TMEM132D: variants seen among roughly 807,000 people sequenced by gnomAD.
The protein encoded by TMEM132D is transmembrane protein 132D, also known as mature OL transmembrane protein.
A neutral mutation model predicts 62.3 loss-of-function variants in TMEM132D; 21 were observed. The ratio of observed to expected loss-of-function variants is 0.34; its 90% CI spans 0.24 to 0.49. The LOEUF is 0.49. TMEM132D is among the 20% of genes least tolerant of loss of function. TMEM132D has a pLI of 0.99. For synonymous variants in TMEM132D, 621 were observed against 575.6 expected, an observed-to-expected ratio of 1.08 and a Z score of -1.13; for missense variants, 1,346 against 1,402.8, an observed-to-expected ratio of 0.96 and a Z score of 0.65.
At chr12:129,540,012 G>A (rs1343583804) in intron 2 of TMEM132D, among the ~76,000 whole-genome samples, 1 of 152,090 alleles carries the variant, frequency 6.6e-6, no homozygotes, top group African/African-American at 2.4e-5. Flanking sequence ...TGTCTCTCCT[G>A]GAATACATCT....
chr12:129,823,610 C>A (rs963047728), intron 1 of TMEM132D, among the ~76,000 whole-genome samples: 2 of 152,154 alleles, frequency 1.3e-5, no homozygotes, highest in South Asian at 2.1e-4. Context: ...TGCAAGGGCC[C>A]AGGGAAGCAA....
At chr12:129,307,128 C>T (rs979026324) in intron 4 of TMEM132D, among the ~76,000 whole-genome samples, 6 of 150,576 alleles carry the variant, frequency 4.0e-5, no homozygotes, top group Middle Eastern at 6.8e-3. Context: ...CTTAGAGGTA[C>T]TATTCAAATT....
chr12:129,191,840 C>T (rs1419560463), intron 5 of TMEM132D, among the ~76,000 whole-genome samples: 1 of 152,078 alleles, frequency 6.6e-6, no homozygotes, highest in Non-Finnish European at 1.5e-5. Context: ...TCATGAGGGG[C>T]AGGGACTTTT....
At chr12:129,518,437 TCA>T (rs1399867800) in intron 3 of TMEM132D, among the ~76,000 whole-genome samples, 1 of 152,036 alleles carries the variant, frequency 6.6e-6, no homozygotes, top group Non-Finnish European at 1.5e-5. Flanking sequence ...TAAATATCAG[TCA>T]CAATTTCACT....
chr12:129,749,726 A>C (rs1006335197), intron 1 of TMEM132D, among the ~76,000 whole-genome samples: 1 of 152,048 alleles, frequency 6.6e-6, no homozygotes, highest in African/African-American at 2.4e-5. Context: ...CGGCCTCCCA[A>C]AGTGCTGGGA....
intron 2 of TMEM132D, among the ~76,000 whole-genome samples, chr12:129,649,687 TAATAG>T (rs572974804): frequency 2.0e-5 from 3 of 152,128 alleles, no homozygotes; most frequent in Non-Finnish European, 4.4e-5. Context: ...CTGTTCTATA[TAATAG>T]AATAAAAAGG....
intron 2 of TMEM132D, among the ~76,000 whole-genome samples, chr12:129,574,453 C>T (rs1314441140): frequency 6.6e-6 from 1 of 151,914 alleles, no homozygotes; most frequent in Non-Finnish European, 1.5e-5. Flanking sequence ...GCAAAGGCAT[C>T]CTATGCACTA....
chr12:129,818,160 GTA>G (rs577954761), intron 1 of TMEM132D, among the ~76,000 whole-genome samples: 1,522 of 147,444 alleles, frequency 0.01, 18 homozygotes, highest in African/African-American at 0.036. Flanking sequence ...GGTATAAGGT[GTA>G]TGTGTGTGTG....
At chr12:129,586,349 G>A (rs1205689908) in intron 2 of TMEM132D, among the ~76,000 whole-genome samples, 1 of 152,188 alleles carries the variant, frequency 6.6e-6, no homozygotes, top group African/African-American at 2.4e-5. Context: ...AGATGAAACT[G>A]TGACCTATCT....
intron 5 of TMEM132D, chr12:129,111,711 C>G (rs1875710589): frequency 6.6e-6 from 1 of 152,208 alleles, no homozygotes; most frequent in Non-Finnish European, 1.5e-5. Context: ...CCCTCTCAGT[C>G]TCTCAACAAA....
At chr12:129,646,928 T>C (rs765603413) in intron 2 of TMEM132D, among the ~76,000 whole-genome samples, 2 of 151,430 alleles carry the variant, frequency 1.3e-5, no homozygotes, top group Non-Finnish European at 2.9e-5. Context: ...GCCTCCTGAG[T>C]AGTGGGGATT....
chr12:129,387,737 T>A (rs1871153215), intron 3 of TMEM132D, among the ~76,000 whole-genome samples: 1 of 151,902 alleles, frequency 6.6e-6, no homozygotes, highest in Admixed American at 6.6e-5. Context: ...ACACGAATCC[T>A]AATATAAACA....
chr12:129,225,595 CACAG>C (rs1156947399), intron 4 of TMEM132D, among the ~76,000 whole-genome samples: 3 of 152,120 alleles, frequency 2.0e-5, no homozygotes, highest in Non-Finnish European at 4.4e-5. Context: ...TAGTATCTAC[CACAG>C]AGAGTTCTTA....
At chr12:129,675,311 G>C (rs1880600102) in intron 2 of TMEM132D, among the ~76,000 whole-genome samples, 1 of 151,688 alleles carries the variant, frequency 6.6e-6, no homozygotes, top group Admixed American at 6.6e-5. Context: ...CTCATAAGTG[G>C]GAATTGAACA....
rs1408057092 is a variant in TMEM132D, at chr12:129,903,487, C to T, written c.-148G>A. 4.0e-6 allele frequency: 3 copies of T among 758,146 alleles called. No individual in the cohort carries two copies. Among genetic ancestry groups the T allele is most frequent in the South Asian group, 1.8e-5 (1 of 54,592 alleles). The allele number at this position is 758,146 out of a possible 1,614,324, so 47.0% of individuals were successfully genotyped here. On this transcript the variant is annotated 5_prime_UTR_variant, in exon 1 of 9. Transcript: ENST00000422113. This position sits in a 1 kb window ranked among gnomAD's most constrained non-coding sequence, Gnocchi z 6.2. Reference sequence around the variant, plus strand: ...GAGCAGCCCGGGCGCCCTGCTCCCTCTTCCCGCCAGTCCATGGCCAGGCCG... The same window carrying T: ...GAGCAGCCCGGGCGCCCTGCTCCCTTTTCCCGCCAGTCCATGGCCAGGCCG...
chr12:129,131,972 T>C (rs1876388737), intron 5 of TMEM132D, among the ~76,000 whole-genome samples: 1 of 152,228 alleles, frequency 6.6e-6, no homozygotes, highest in African/African-American at 2.4e-5. Flanking sequence ...CTTTTAAACC[T>C]AACCCTCCTA....
chr12:129,243,543 A>G (rs1180669142), intron 4 of TMEM132D, among the ~76,000 whole-genome samples: 1 of 152,126 alleles, frequency 6.6e-6, no homozygotes, highest in Non-Finnish European at 1.5e-5. Flanking sequence ...TGTGTAAACA[A>G]TATTTTTTTT....
chr12:129,596,592 C>A (rs1450777692), intron 2 of TMEM132D, among the ~76,000 whole-genome samples: 2 of 151,962 alleles, frequency 1.3e-5, no homozygotes, highest in African/African-American at 4.8e-5. Flanking sequence ...CTTCTGTATA[C>A]TTTAAATCAT....
At chr12:129,414,860 A>G (rs1332629447) in intron 3 of TMEM132D, among the ~76,000 whole-genome samples, 1 of 150,982 alleles carries the variant, frequency 6.6e-6, no homozygotes, top group Non-Finnish European at 1.5e-5. Flanking sequence ...CTACTATTCT[A>G]CTCTCTGTTT....
Sources: allele counts gnomAD v4.1 joint callset (sites outside exome capture counted in the v4.1 genomes callset), GRCh38; gene constraint gnomAD v4.1.1; non-coding constraint Gnocchi (gnomAD v3.1); transcripts MANE v1.5; gene names NCBI Gene and HGNC (gene_info 2026-07-23, HGNC 2026-07-21).